EPB41L4A: variants seen among roughly 807,000 people sequenced by gnomAD.
EPB41L4A encodes erythrocyte membrane protein band 4.1 like 4A, also known as band 4.1-like protein 4A.
Under a neutral mutation model 108.6 loss-of-function variants are expected in EPB41L4A, and 100 were observed. That is an observed-to-expected ratio of 0.92 (90% confidence interval 0.78 to 1.09). The LOEUF is 1.09. Ranked by LOEUF, EPB41L4A falls within the 50% of genes least tolerant of loss-of-function variation. The pLI, the probability that EPB41L4A is intolerant of heterozygous loss-of-function variation, is 0.00. For missense variants in EPB41L4A, 1,030 were observed against 842.7 expected (o/e 1.22, Z -2.75); for synonymous variants, 319 against 289.0 (o/e 1.10, Z -1.05).
At chr5:112,416,335 CAATA>C (rs1192817894) in intron 1 of EPB41L4A, among the ~76,000 whole-genome samples, 1 of 151,962 alleles carries the variant, frequency 6.6e-6, no homozygotes, top group African/African-American at 2.4e-5. Context: ...ATTACTGTAA[CAATA>C]ATACAAGCAA....
rs985452758 is a variant in EPB41L4A, at chr5:112,162,784, G to C, written c.*2206C>G. 1 of 152,182 alleles carries C rather than the reference G, an allele frequency of 6.6e-6. No individual in the cohort carries two copies. The highest frequency in any genetic ancestry group is 2.4e-5 in the African/African-American group (1 of 41,434). The allele number at this position is 152,182 out of a possible 1,614,324, so 9.4% of individuals were successfully genotyped here. The stretch of plus-strand genomic sequence containing the variant: ...TGAGTTCCGTGATAGGATTTTCTTA[G>C]GGAAACCTGAGAAAGAGTTGAGACT... On this transcript the variant is annotated 3_prime_UTR_variant, in exon 23 of 23. Transcript: ENST00000261486.
intron 18 of EPB41L4A, among the ~76,000 whole-genome samples, chr5:112,178,648 T>G (rs1297773341): frequency 6.6e-6 from 1 of 151,824 alleles, no homozygotes; most frequent in Non-Finnish European, 1.5e-5. Flanking sequence ...CCTGAAATAT[T>G]TGGAAATTAA....
chr5:112,349,212 G>T (rs766746592), intron 1 of EPB41L4A, among the ~76,000 whole-genome samples: 2 of 152,134 alleles, frequency 1.3e-5, no homozygotes, highest in Admixed American at 6.5e-5. Flanking sequence ...GGAAAAGGGG[G>T]AATAAGGACA....
intron 17 of EPB41L4A, among the ~76,000 whole-genome samples, chr5:112,190,611 C>T (rs17134212): frequency 0.26 from 38,823 of 152,070 alleles, 6,158 homozygotes; most frequent in East Asian, 0.67. Context: ...TATAGGACTA[C>T]GTGGCTCTGT....
chr5:112,298,275 C>T (rs1754138976), intron 2 of EPB41L4A, among the ~76,000 whole-genome samples: 1 of 151,892 alleles, frequency 6.6e-6, no homozygotes, highest in African/African-American at 2.4e-5. Context: ...AATGTGTTTC[C>T]ATTTGCTTTC....
At chr5:112,203,028 G>GA in intron 15 of EPB41L4A, among the ~76,000 whole-genome samples, 1 of 151,738 alleles carries the variant, frequency 6.6e-6, no homozygotes, top group Non-Finnish European at 1.5e-5. Context: ...CATAACAAGT[G>GA]AGACCCCATC....
intron 1 of EPB41L4A, among the ~76,000 whole-genome samples, chr5:112,412,015 T>A (rs1762439565): frequency 6.6e-6 from 1 of 151,918 alleles, no homozygotes; most frequent in Non-Finnish European, 1.5e-5. Context: ...TGAAACATAG[T>A]CCCCCTCAAG....
At chr5:112,411,455 A>C (rs1016049651) in intron 1 of EPB41L4A, among the ~76,000 whole-genome samples, 4 of 152,254 alleles carry the variant, frequency 2.6e-5, no homozygotes, top group Non-Finnish European at 5.9e-5. Flanking sequence ...TCCCAAACTG[A>C]AATTCAGAAA....
At chr5:112,184,261 G>A in intron 17 of EPB41L4A, 126 bp from the exon 18 acceptor site, 1 of 1,078,806 alleles carries the variant, frequency 9.3e-7, no homozygotes, top group Non-Finnish European at 1.3e-6. Flanking sequence ...TATAGCTAAA[G>A]ATGCATATTA....
intron 1 of EPB41L4A, among the ~76,000 whole-genome samples, chr5:112,313,099 A>G (rs1755153327): frequency 6.6e-6 from 1 of 152,218 alleles, no homozygotes; most frequent in African/African-American, 2.4e-5. Flanking sequence ...GTACACTAAT[A>G]AATGCCAGAA....
chr5:112,208,319 A>G (rs2150307429), intron 13 of EPB41L4A, among the ~76,000 whole-genome samples: 1 of 152,180 alleles, frequency 6.6e-6, no homozygotes, highest in South Asian at 2.1e-4. Flanking sequence ...AGGACATAGA[A>G]TCAGCCTAGA....
At chr5:112,206,769 C>T (rs965141147) in intron 13 of EPB41L4A, among the ~76,000 whole-genome samples, 1 of 152,170 alleles carries the variant, frequency 6.6e-6, no homozygotes, top group African/African-American at 2.4e-5. Context: ...TCATCTGAAG[C>T]TTGAGAGGAA....
At chr5:112,215,753 A>C (rs1435190324) in intron 12 of EPB41L4A, among the ~76,000 whole-genome samples, 3 of 105,838 alleles carry the variant, frequency 2.8e-5, no homozygotes, top group Non-Finnish European at 5.3e-5. Flanking sequence ...ACAGAGTGAG[A>C]CTCCATCTCA....
chr5:112,145,111 G>A (rs953631388), intron 13 of EPB41L4A, among the ~76,000 whole-genome samples: 16 of 152,194 alleles, frequency 1.1e-4, no homozygotes, highest in African/African-American at 1.9e-4. Context: ...CCAACATGGC[G>A]AAACCCTGTC....
chr5:112,218,608 T>C (rs1261068692), intron 12 of EPB41L4A, among the ~76,000 whole-genome samples: 1 of 152,146 alleles, frequency 6.6e-6, no homozygotes, highest in Non-Finnish European at 1.5e-5. Context: ...CAGAGGAGAG[T>C]GCTAGAACAC....
intron 1 of EPB41L4A, among the ~76,000 whole-genome samples, chr5:112,414,143 C>T (rs1303877143): frequency 6.6e-6 from 1 of 152,158 alleles, no homozygotes; most frequent in Non-Finnish European, 1.5e-5. Flanking sequence ...TGCTTTTAAT[C>T]ACTGCAGGTA....
chr5:112,169,215 A>G (rs1760434177), intron 20 of EPB41L4A, 110 bp from the exon 21 acceptor site: 2 of 778,054 alleles, frequency 2.6e-6, no homozygotes, highest in Non-Finnish European at 4.4e-6. Flanking sequence ...AGAGTTTTAA[A>G]AAGAACTTGA....
intron 4 of EPB41L4A, among the ~76,000 whole-genome samples, chr5:112,272,391 T>C (rs1752323889): frequency 6.6e-6 from 1 of 151,824 alleles, no homozygotes; most frequent in Non-Finnish European, 1.5e-5. Flanking sequence ...TCTGCCCGCC[T>C]TGGCCTCCTA....
chr5:112,229,747 C>T (rs1051642101), intron 12 of EPB41L4A, among the ~76,000 whole-genome samples: 9 of 152,054 alleles, frequency 5.9e-5, no homozygotes, highest in Non-Finnish European at 8.8e-5. Context: ...CCAGCACTTT[C>T]GGAGGCCAAG....
Sources: gnomAD v4.1 joint callset for allele counts (sites outside exome capture counted in the v4.1 genomes callset) on GRCh38, gnomAD v4.1.1 for gene constraint, MANE v1.5 for transcripts, NCBI Gene and HGNC (gene_info 2026-07-23, HGNC 2026-07-21) for gene names.